Variants in EPB41L3 observed in about 807,000 individuals in gnomAD.
EPB41L3 encodes the protein band 4.1-like protein 3.
A neutral mutation model predicts 127.1 loss-of-function variants in EPB41L3; 57 were observed. That is an observed-to-expected ratio of 0.45 (90% CI 0.36 to 0.56). The LOEUF is 0.56. EPB41L3 is among the 20% of genes least tolerant of loss of function. EPB41L3 has a pLI of 0.00. For missense variants in EPB41L3, 1,273 were observed against 1,372.2 expected, an observed-to-expected ratio of 0.93 and a Z score of 1.14; for synonymous variants, 572 against 549.5, an observed-to-expected ratio of 1.04 and a Z score of -0.57.
intron 15 of EPB41L3, chr18:5,407,436 C>T (rs1291623149): frequency 3.8e-6 from 2 of 532,500 alleles, no homozygotes; most frequent in Non-Finnish European, 6.6e-6. Context: ...CCAATACCAA[C>T]CTCTAACATA....
chr18:5,559,649 G>T (rs1054539382), intron 3 of EPB41L3, among the ~76,000 whole-genome samples: 11 of 151,956 alleles, frequency 7.2e-5, no homozygotes, highest in Admixed American at 1.3e-4. Flanking sequence ...TAAACTTATG[G>T]ATGTTTTTTA....
In EPB41L3 at chr18:5,405,684, C is replaced by T. The variant is rs1256289125; in HGVS notation, c.2349+1093G>A. Among the ~76,000 whole-genome samples the T allele has an allele frequency of 3.3e-5, 5 of 151,836 alleles. No homozygotes were observed. The East Asian group carries it at 9.7e-4, about 29-fold the overall frequency. Reference sequence around the variant, plus strand: ...GTGCCTGCTTGTAGTCCCAGCTACCCAGGAGGCTGAGGCAGGAGGATCACT... The same window carrying T: ...GTGCCTGCTTGTAGTCCCAGCTACCTAGGAGGCTGAGGCAGGAGGATCACT... On this transcript the variant is annotated intron_variant, in intron 16 of 22. Coordinates refer to ENST00000341928, the MANE Select transcript of EPB41L3 (RefSeq NM_012307.5).
intron 3 of EPB41L3, among the ~76,000 whole-genome samples, chr18:5,590,905 G>A (rs1205904266): frequency 1.3e-5 from 2 of 152,090 alleles, no homozygotes; most frequent in Admixed American, 6.5e-5. Context: ...CCAGAGGCTG[G>A]GGTGGGGGAT....
intron 3 of EPB41L3, among the ~76,000 whole-genome samples, chr18:5,563,199 G>T (rs1295377666): frequency 6.6e-6 from 1 of 152,142 alleles, no homozygotes; most frequent in Non-Finnish European, 1.5e-5. Flanking sequence ...AGAGAGGACG[G>T]GAACATTTTG....
At chr18:5,626,122 G>T (rs1262255307) in intron 1 of EPB41L3, among the ~76,000 whole-genome samples, 2 of 151,960 alleles carry the variant, frequency 1.3e-5, no homozygotes, top group Non-Finnish European at 2.9e-5. Flanking sequence ...TGTCCTTTTA[G>T]CTCCCACATC....
At chr18:5,434,795 T>C (rs1340251739) in intron 6 of EPB41L3, among the ~76,000 whole-genome samples, 2 of 152,216 alleles carry the variant, frequency 1.3e-5, no homozygotes, top group Admixed American at 1.3e-4. Context: ...TGCTATACTT[T>C]TTATCATTAT....
At chr18:5,556,369 TG>T (rs1234865626) in intron 3 of EPB41L3, among the ~76,000 whole-genome samples, 2 of 152,232 alleles carry the variant, frequency 1.3e-5, no homozygotes, top group Non-Finnish European at 2.9e-5. Flanking sequence ...GCAGCTACTC[TG>T]GGTAGGGGAC....
chr18:5,549,992 A>G (rs1022352961), intron 3 of EPB41L3, among the ~76,000 whole-genome samples: 1 of 152,220 alleles, frequency 6.6e-6, no homozygotes, highest in Non-Finnish European at 1.5e-5. Context: ...ATTAGCAGTA[A>G]GTATAGTAAT....
upstream of EPB41L3, among the ~76,000 whole-genome samples, chr18:5,549,193 G>C (rs1719967): frequency 0.24 from 36,015 of 152,028 alleles, 5,818 homozygotes; most frequent in African/African-American, 0.46. Context: ...CATTAGCTTT[G>C]TTTCTTAATT....
intron 1 of EPB41L3, among the ~76,000 whole-genome samples, chr18:5,495,868 C>T (rs1022220869): frequency 6.6e-5 from 10 of 152,140 alleles, no homozygotes; most frequent in Non-Finnish European, 1.2e-4. Context: ...CTGTTATATT[C>T]ACAGCAAGAA....
chr18:5,529,315 C>T (rs972374968), intron 1 of EPB41L3, among the ~76,000 whole-genome samples: 4 of 138,834 alleles, frequency 2.9e-5, no homozygotes, highest in African/African-American at 8.3e-5. Context: ...AAAATTACAT[C>T]AAATACATAC....
At chr18:5,578,872 A>T (rs2094362975) in intron 3 of EPB41L3, among the ~76,000 whole-genome samples, 3 of 152,188 alleles carry the variant, frequency 2.0e-5, no homozygotes. Context: ...CTGATGTTGA[A>T]CATTCATACG....
At chr18:5,484,615 G>T (rs2089398415) in intron 2 of EPB41L3, among the ~76,000 whole-genome samples, 1 of 151,506 alleles carries the variant, frequency 6.6e-6, no homozygotes. Context: ...GAAAAAGAGA[G>T]AAAATCCAAG....
At chr18:5,396,560 T>A (rs1382312599) in intron 18 of EPB41L3, among the ~76,000 whole-genome samples, 1 of 151,856 alleles carries the variant, frequency 6.6e-6, no homozygotes, top group Non-Finnish European at 1.5e-5. Flanking sequence ...TTGAAGGCAA[T>A]AAAAAAAAGT....
intron 2 of EPB41L3, among the ~76,000 whole-genome samples, chr18:5,488,419 T>TG (rs370174335): frequency 0.012 from 1,791 of 148,956 alleles, 31 homozygotes; most frequent in African/African-American, 0.041. Context: ...TGTCGGGGAC[T>TG]GGGGGGCTAG....
chr18:5,594,739 C>A (rs1379346103), intron 3 of EPB41L3, among the ~76,000 whole-genome samples: 1 of 152,156 alleles, frequency 6.6e-6, no homozygotes, highest in Non-Finnish European at 1.5e-5. Flanking sequence ...TTAATCTAGT[C>A]TAGCAGTGAA....
At chr18:5,454,010 C>T (rs2082658495) in intron 3 of EPB41L3, among the ~76,000 whole-genome samples, 1 of 152,132 alleles carries the variant, frequency 6.6e-6, no homozygotes, top group African/African-American at 2.4e-5. Context: ...GACTGCACTA[C>T]CATTTACCTC....
At chr18:5,583,908 A>G (rs567763013) in intron 3 of EPB41L3, among the ~76,000 whole-genome samples, 1 of 152,168 alleles carries the variant, frequency 6.6e-6, no homozygotes, top group Non-Finnish European at 1.5e-5. Flanking sequence ...TCCCGGGTTC[A>G]TGCGATTCTC....
intron 11 of EPB41L3, 197 bp from the exon 12 acceptor site, chr18:5,420,074 C>T: frequency 8.8e-7 from 1 of 1,136,342 alleles, no homozygotes; most frequent in South Asian, 1.6e-5. Context: ...ATCAGTGCTG[C>T]AGGGACCTTC....
Sources: allele counts gnomAD v4.1 joint callset (sites outside exome capture counted in the v4.1 genomes callset), GRCh38; gene constraint gnomAD v4.1.1; transcripts MANE v1.5; gene names NCBI Gene and HGNC (gene_info 2026-07-23, HGNC 2026-07-21).